VPS54: variants seen among roughly 807,000 people sequenced by gnomAD.
The protein encoded by VPS54 is vacuolar protein sorting-associated protein 54.
Under a neutral mutation model 121.5 loss-of-function variants are expected in VPS54, and 45 were observed. That is an observed-to-expected ratio of 0.37 (90% CI 0.29 to 0.47). The LOEUF (loss-of-function observed/expected upper bound fraction) is 0.47, where lower values mean the gene tolerates loss of function less well. Among genes scored for constraint, VPS54 ranks in the 20% least tolerant of loss-of-function variants. The pLI, the probability that VPS54 is intolerant of heterozygous loss-of-function variation, is 0.99. For missense variants in VPS54, 1,090 were observed against 1,131.4 expected, an observed-to-expected ratio of 0.96 and a Z score of 0.52; for synonymous variants, 371 against 385.8, an observed-to-expected ratio of 0.96 and a Z score of 0.45.
At chr2:63,921,888 A>C (rs1204106084) in intron 12 of VPS54, among the ~76,000 whole-genome samples, 1 of 152,242 alleles carries the variant, frequency 6.6e-6, no homozygotes, top group African/African-American at 2.4e-5. Context: ...AAACTATAGC[A>C]AAATTAAATT....
At chr2:63,948,305 G>A (rs574877565) in intron 8 of VPS54, among the ~76,000 whole-genome samples, 10 of 151,864 alleles carry the variant, frequency 6.6e-5, no homozygotes, top group Admixed American at 1.3e-4. Context: ...GCTAAGTGAA[G>A]CCTGGATATT....
chr2:63,909,586 A>G (rs1242778145), intron 20 of VPS54, among the ~76,000 whole-genome samples: 1 of 151,062 alleles, frequency 6.6e-6, no homozygotes, highest in Non-Finnish European at 1.5e-5. Context: ...TGCCCGGCTA[A>G]TTTTTGTATT....
At chr2:63,979,836 A>G (rs1344642123) in intron 3 of VPS54, among the ~76,000 whole-genome samples, 1 of 152,184 alleles carries the variant, frequency 6.6e-6, no homozygotes, top group Non-Finnish European at 1.5e-5. Context: ...GTGGTCAGAG[A>G]GCATACTGTG....
chr2:63,977,832 G>C lies in VPS54; in HGVS notation c.378+3814C>G, dbSNP rs182607312. ...GAGGTAAATAGGCCTTTAGTATGAA[G>C]TTTTGTTTATCTGGCTAAGAGTTAG... On this transcript the variant is annotated intron_variant, in intron 3 of 22. Transcript: ENST00000272322. Among the ~76,000 whole-genome samples, 34 of 152,304 alleles carry C rather than the reference G, an allele frequency of 2.2e-4. 1 individual carries two copies. In the East Asian group the frequency reaches 6.2e-3, roughly 28 times the overall value.
Position 63,968,750 on chromosome 2 carries a change from AAAAG to A in VPS54, c.492+203_492+206del, listed in dbSNP as rs202233965. Reference sequence around the variant, plus strand: ...GAGAAAGAACAGAAAAGCAGAAAGAAAAAGAAAGAAAGACAGAAAAGACAGAAGG... The same window carrying A: ...GAGAAAGAACAGAAAAGCAGAAAGAAAAAGAAAGACAGAAAAGACAGAAGG... On this transcript the variant is annotated intron_variant, in intron 5 of 22. Transcript: ENST00000272322. Among the ~76,000 whole-genome samples, 304 of 152,092 alleles carry A rather than the reference AAAAG, an allele frequency of 2.0e-3. 1 individual carries two copies. The highest frequency in any genetic ancestry group is 0.019 in the East Asian group (97 of 5,184).
At chr2:64,009,868 G>C (rs529169231) in intron 1 of VPS54, among the ~76,000 whole-genome samples, 15 of 147,372 alleles carry the variant, frequency 1.0e-4, no homozygotes, top group Admixed American at 4.7e-4. Flanking sequence ...TTTTGAGACA[G>C]TCTCGCTCTG....
intron 5 of VPS54, among the ~76,000 whole-genome samples, chr2:63,968,583 G>T (rs1471992275): frequency 6.6e-6 from 1 of 152,068 alleles, no homozygotes; most frequent in South Asian, 2.1e-4. Context: ...GCTGGGCATG[G>T]TGGCATGCGC....
At chr2:63,970,901 C>A (rs1365666278) in intron 4 of VPS54, among the ~76,000 whole-genome samples, 1 of 151,936 alleles carries the variant, frequency 6.6e-6, no homozygotes, top group Non-Finnish European at 1.5e-5. Context: ...GTCCAGCATA[C>A]CTGTCTATGA....
chr2:63,903,962 G>T (rs1672794787), intron 20 of VPS54, among the ~76,000 whole-genome samples: 1 of 151,804 alleles, frequency 6.6e-6, no homozygotes, highest in Non-Finnish European at 1.5e-5. Context: ...TCAGACTAAG[G>T]GAAAAAAGCA....
chr2:63,965,702 G>A (rs979211081), intron 6 of VPS54, 133 bp downstream of exon 6: 8 of 1,268,790 alleles, frequency 6.3e-6, no homozygotes, highest in South Asian at 2.9e-5. Flanking sequence ...AAGATTGGGA[G>A]GCTTATAGTT....
chr2:64,015,570 T>C (rs1473421003), intron 1 of VPS54, among the ~76,000 whole-genome samples: 1 of 152,188 alleles, frequency 6.6e-6, no homozygotes, highest in Non-Finnish European at 1.5e-5. Flanking sequence ...TTGTAGGGTA[T>C]TTAGCAACAT....
chr2:63,964,635 C>G (rs1675908511), intron 6 of VPS54, among the ~76,000 whole-genome samples: 1 of 152,092 alleles, frequency 6.6e-6, no homozygotes, highest in African/African-American at 2.4e-5. Context: ...ACAATGTTGC[C>G]AAAGGAAAAA....
intron 1 of VPS54, among the ~76,000 whole-genome samples, chr2:63,987,580 G>A (rs895004125): frequency 6.6e-6 from 1 of 152,080 alleles, no homozygotes; most frequent in Admixed American, 6.5e-5. Flanking sequence ...TTGGTATTTT[G>A]ATAGGGAATA....
At chr2:63,979,347 C>A (rs1485100842) in intron 3 of VPS54, among the ~76,000 whole-genome samples, 1 of 150,736 alleles carries the variant, frequency 6.6e-6, no homozygotes, top group Non-Finnish European at 1.5e-5. Flanking sequence ...TCAAGCTATT[C>A]TCCCACTTCA....
In VPS54 at chr2:63,965,890, G is replaced by A. The variant is rs1014775369; in HGVS notation, c.569C>T (p.Thr190Ile). Reference protein sequence around the residue: ...NSVLPWSHFNTAGGKGNRDAA... With the variant: ...NSVLPWSHFNIAGGKGNRDAA... Reference sequence around the variant, plus strand: ...ATCACGATTTCCTTTTCCACCAGCAGTATTAAAATGAGACCATGGTAAAAC... The same window carrying A: ...ATCACGATTTCCTTTTCCACCAGCAATATTAAAATGAGACCATGGTAAAAC... Residue 190 changes from threonine to isoleucine, a missense_variant, in exon 6 of 23, where the codon ACT (threonine) becomes ATT (isoleucine). Transcript: ENST00000272322. 6.2e-7 allele frequency: 1 copy of A among 1,612,868 alleles called. No individual in the cohort carries two copies. The highest frequency in any genetic ancestry group is 1.3e-5 in the African/African-American group (1 of 74,874).
chr2:64,003,282 A>C (rs1474217619), intron 1 of VPS54, among the ~76,000 whole-genome samples: 4 of 152,230 alleles, frequency 2.6e-5, no homozygotes, highest in Non-Finnish European at 5.9e-5. Context: ...TACCATCTAG[A>C]AACAAATTTG....
At chr2:63,990,889 T>C (rs1349513537) in intron 1 of VPS54, among the ~76,000 whole-genome samples, 1 of 152,230 alleles carries the variant, frequency 6.6e-6, no homozygotes, top group African/African-American at 2.4e-5. Flanking sequence ...CTTCTCCTTA[T>C]GTTAAATGGT....
At chr2:63,918,674 C>G (rs1673495514) in intron 15 of VPS54, among the ~76,000 whole-genome samples, 1 of 151,992 alleles carries the variant, frequency 6.6e-6, no homozygotes, top group Admixed American at 6.6e-5. Context: ...GTCCTTAACC[C>G]TCTTCCCCTT....
At chr2:64,005,336 C>T (rs58889204) in intron 1 of VPS54, among the ~76,000 whole-genome samples, 10,830 of 151,316 alleles carry the variant, frequency 0.072, 813 homozygotes, top group African/African-American at 0.19. Context: ...ATCTCCTGAC[C>T]TTGTGATCCG....
Sources: gnomAD v4.1 joint callset for allele counts (sites outside exome capture counted in the v4.1 genomes callset) on GRCh38, gnomAD v4.1.1 for gene constraint, MANE v1.5 for transcripts, NCBI Gene and HGNC (gene_info 2026-07-23, HGNC 2026-07-21) for gene names.